RAPGEF6: variants seen among roughly 807,000 people sequenced by gnomAD.
RAPGEF6 encodes the protein Rap guanine nucleotide exchange factor 6.
RAPGEF6 carries 56 observed loss-of-function variants against 171.4 expected under a neutral mutation model. That is an observed-to-expected ratio of 0.33 (90% confidence interval 0.26 to 0.41). The LOEUF is 0.41. RAPGEF6 is among the 10% of genes least tolerant of loss of function. The probability of loss-of-function intolerance (pLI) is 1.00; values close to 1 mark genes in which losing one functional copy is unlikely to be tolerated. For missense variants in RAPGEF6, 1,674 were observed against 1,921.4 expected (o/e 0.87, Z 2.41); for synonymous variants, 692 against 650.1 (o/e 1.06, Z -0.98).
chr5:131,628,631 A>G (rs1426152114), intron 1 of RAPGEF6, among the ~76,000 whole-genome samples: 3 of 152,234 alleles, frequency 2.0e-5, no homozygotes, highest in African/African-American at 7.2e-5. Context: ...ATGCCACCTA[A>G]GACTTCCATA....
chr5:131,606,786 G>A lies in RAPGEF6; in HGVS notation c.70-2093C>T, dbSNP rs947356675. ...AGCACCCTGAGACCACTAATGTTGTGAGGAAGCTCCAGCTAGCCTTAGGGA... is the reference window on the plus strand; with the variant it reads ...AGCACCCTGAGACCACTAATGTTGTAAGGAAGCTCCAGCTAGCCTTAGGGA... On this transcript the variant is annotated intron_variant, in intron 1 of 27. Transcript: ENST00000509018. Among the ~76,000 whole-genome samples, 4 of 152,298 alleles carry A rather than the reference G, an allele frequency of 2.6e-5. No homozygotes were observed. The South Asian group carries it at 6.2e-4, about 24-fold the overall frequency.
intron 16 of RAPGEF6, among the ~76,000 whole-genome samples, chr5:131,473,199 T>C (rs1181835736): frequency 6.6e-6 from 1 of 152,126 alleles, no homozygotes; most frequent in Non-Finnish European, 1.5e-5. Flanking sequence ...CCAAAAACTA[T>C]GGCAGGTAAT....
chr5:131,519,869 G>A (rs1022000215), intron 7 of RAPGEF6, among the ~76,000 whole-genome samples: 1 of 152,138 alleles, frequency 6.6e-6, no homozygotes, highest in East Asian at 1.9e-4. Flanking sequence ...ATTCTTTTGG[G>A]GAGGGGCAGA....
chr5:131,576,354 TA>T (rs1762605351), intron 4 of RAPGEF6, among the ~76,000 whole-genome samples: 1 of 152,210 alleles, frequency 6.6e-6, no homozygotes, highest in African/African-American at 2.4e-5. Flanking sequence ...CTTATTGCTT[TA>T]ACCCGGGCTC....
intron 4 of RAPGEF6, among the ~76,000 whole-genome samples, chr5:131,587,664 G>A (rs928167326): frequency 3.9e-5 from 6 of 152,136 alleles, no homozygotes; most frequent in South Asian, 2.1e-4. Flanking sequence ...ATATTGAAAC[G>A]ACTCAAAGGC....
intron 22 of RAPGEF6, among the ~76,000 whole-genome samples, chr5:131,444,694 T>C (rs1274356522): frequency 2.0e-5 from 3 of 152,112 alleles, no homozygotes; most frequent in Non-Finnish European, 2.9e-5. Context: ...CATCATTTAG[T>C]GCTATGAGAA....
Position 131,464,297 on chromosome 5 carries a change from G to T in RAPGEF6, c.2240-16C>A. 1 of 1,595,944 alleles carries T rather than the reference G, an allele frequency of 6.3e-7. No homozygotes were observed. Among genetic ancestry groups the T allele is most frequent in the Admixed American group, 1.7e-5 (1 of 59,220 alleles). ...TCAGGGATATCTACATAAATAGAAA[G>T]ATATGCTTTGTTATTTTTTAAAAAA... is the stretch of plus-strand genomic sequence containing the variant. On this transcript the variant is annotated splice_polypyrimidine_tract_variant and intron_variant, in intron 17 of 27. Transcript: ENST00000509018.
intron 4 of RAPGEF6, among the ~76,000 whole-genome samples, chr5:131,568,981 CATA>C (rs1762116029): frequency 6.6e-6 from 1 of 152,038 alleles, no homozygotes. Context: ...CAATTCCATT[CATA>C]ATCCTATTAA....
Position 131,472,575 on chromosome 5 carries a change from T to A in RAPGEF6, c.2239+12A>T, listed in dbSNP as rs1206893982. ...ACCAATACGGCAATATAAAATCACA[T>A]ATGAAAATTACCTGAAGGATTGGAA... On this transcript the variant is annotated intron_variant, in intron 17 of 27. Transcript: ENST00000509018. 6.2e-7 allele frequency: 1 copy of A among 1,610,228 alleles called. No individual in the cohort carries two copies. The highest frequency in any genetic ancestry group is 2.2e-5 in the East Asian group (1 of 44,872).
Position 131,453,219 on chromosome 5 carries a change from T to C in RAPGEF6, c.3077-42A>G. The C allele has an allele frequency of 3.2e-6, 5 of 1,548,910 alleles. No homozygotes were observed. The South Asian group carries it at 3.6e-5, about 11-fold the overall frequency. On this transcript the variant is annotated intron_variant, in intron 20 of 27. Transcript: ENST00000509018. ...AATGTTTAAGTTCAAAATTAAATTATCTACATAAAAGTAGCAAAAGTCAAG... is the reference window on the plus strand; with the variant it reads ...AATGTTTAAGTTCAAAATTAAATTACCTACATAAAAGTAGCAAAAGTCAAG...
chr5:131,627,163 C>T (rs1765983331), intron 1 of RAPGEF6, among the ~76,000 whole-genome samples: 1 of 152,146 alleles, frequency 6.6e-6, no homozygotes, highest in Non-Finnish European at 1.5e-5. Context: ...GCAACTCGGC[C>T]AGCTGCCAAC....
At chr5:131,510,662 C>T (rs6880704) in intron 7 of RAPGEF6, among the ~76,000 whole-genome samples, 171 bp from the exon 8 acceptor site, 12,062 of 152,164 alleles carry the variant, frequency 0.079, 1,195 homozygotes, top group African/African-American at 0.24. Context: ...GTTCTTTCTG[C>T]CCCAAATTTA....
chr5:131,600,193 G>A (rs572634049), intron 3 of RAPGEF6, among the ~76,000 whole-genome samples: 1 of 152,176 alleles, frequency 6.6e-6, no homozygotes, highest in Non-Finnish European at 1.5e-5. Flanking sequence ...AATCTTTTAT[G>A]AAAATAGTTC....
intron 27 of RAPGEF6, among the ~76,000 whole-genome samples, chr5:131,428,268 C>A (rs1285820739): frequency 1.3e-5 from 2 of 151,944 alleles, no homozygotes; most frequent in East Asian, 3.9e-4. Flanking sequence ...TAACAATGAG[C>A]CAGGCATGCT....
chr5:131,484,759 GTAA>G (rs1435277428), intron 15 of RAPGEF6, among the ~76,000 whole-genome samples: 2 of 151,998 alleles, frequency 1.3e-5, no homozygotes, highest in African/African-American at 2.4e-5. Context: ...AGAATTCTAT[GTAA>G]TAATAAAAAT....
Position 131,478,311 on chromosome 5 carries a change from C to T in RAPGEF6, c.2081+1202G>A, listed in dbSNP as rs533547118. The stretch of plus-strand genomic sequence containing the variant: ...TGAGAGTTGACACAATTCCAAGTTG[C>T]CTCCCAATTGTTCTCTCTGCTATCA... On this transcript the variant is annotated intron_variant, in intron 16 of 27. Coordinates refer to ENST00000509018, the MANE Select transcript of RAPGEF6 (RefSeq NM_016340.6). Among the ~76,000 whole-genome samples, 19 of 152,192 alleles carry T rather than the reference C, an allele frequency of 1.2e-4. No individual in the cohort carries two copies. In the South Asian group the frequency reaches 3.9e-3, roughly 32 times the overall value.
intron 19 of RAPGEF6, among the ~76,000 whole-genome samples, chr5:131,456,891 T>C (rs1753551146): frequency 6.6e-6 from 1 of 152,118 alleles, no homozygotes; most frequent in Non-Finnish European, 1.5e-5. Flanking sequence ...AAAACTAAGA[T>C]AACAAACTCC....
At chr5:131,497,772 G>A (rs1057481172) in intron 12 of RAPGEF6, among the ~76,000 whole-genome samples, 8 of 152,158 alleles carry the variant, frequency 5.3e-5, no homozygotes, top group Non-Finnish European at 1.0e-4. Context: ...AACTCAAAAA[G>A]ACACACCAGA....
chr5:131,469,803 T>C, intron 17 of RAPGEF6: 1 of 1,519,204 alleles, frequency 6.6e-7, no homozygotes, highest in Non-Finnish European at 8.8e-7. Context: ...ATACTTACAA[T>C]AAAAACCAAC....
Sources: gnomAD v4.1 joint callset for allele counts (sites outside exome capture counted in the v4.1 genomes callset) on GRCh38, gnomAD v4.1.1 for gene constraint, MANE v1.5 for transcripts, NCBI Gene and HGNC (gene_info 2026-07-23, HGNC 2026-07-21) for gene names.